The following ZCWPW2 variants were observed in gnomAD, a reference collection of about 807,000 sequenced individuals.
ZCWPW2 encodes the protein zinc finger CW-type and PWWP domain containing 2.
A neutral mutation model predicts 46.6 loss-of-function variants in ZCWPW2; 45 were observed. The observed-to-expected ratio is 0.96, with a 90% CI of 0.76 to 1.24. The LOEUF (loss-of-function observed/expected upper bound fraction) is 1.24, where lower values mean the gene tolerates loss of function less well. Among genes scored for constraint, ZCWPW2 ranks in the 50% most tolerant of loss-of-function variants. The probability of loss-of-function intolerance (pLI) is 0.00; values close to 1 mark genes in which losing one functional copy is unlikely to be tolerated. For missense variants in ZCWPW2, 429 were observed against 403.9 expected, an observed-to-expected ratio of 1.06 and a Z score of -0.53; for synonymous variants, 152 against 137.1, an observed-to-expected ratio of 1.11 and a Z score of -0.76.
At chr3:28,521,235 G>A in intron 9 of ZCWPW2, 119 bp downstream of exon 9, 1 of 1,099,056 alleles carries the variant, frequency 9.1e-7, no homozygotes, top group Non-Finnish European at 1.2e-6. Context: ...TGAAATTTGA[G>A]TCCTTGATTA....
chr3:28,424,994 C>T (rs746821906), intron 3 of ZCWPW2, among the ~76,000 whole-genome samples: 1 of 152,156 alleles, frequency 6.6e-6, no homozygotes, highest in African/African-American at 2.4e-5. Context: ...TTTGTATTCT[C>T]TAATGAAAAT....
chr3:28,402,906 T>C lies in ZCWPW2; in HGVS notation c.-13-10150T>C, dbSNP rs147921319. 2.3e-3 allele frequency among the ~76,000 whole-genome samples: 348 copies of C among 152,206 alleles called. 1 individual carries two copies. The highest frequency in any genetic ancestry group is 8.0e-3 in the African/African-American group (331 of 41,552). On this transcript the variant is annotated intron_variant, in intron 2 of 9. Coordinates refer to ENST00000383768, the MANE Select transcript of ZCWPW2 (RefSeq NM_001040432.4). ...ATACAAGGAGCAAAGTTCAGTGTAA[T>C]AAAAGCCATCTATGACAAACTCACA...
At chr3:28,474,620 T>TGTGCGC (rs777191108) in intron 4 of ZCWPW2, among the ~76,000 whole-genome samples, 54 of 121,686 alleles carry the variant, frequency 4.4e-4, no homozygotes, top group Admixed American at 1.9e-3. Flanking sequence ...TGTGTGTGTG[T>TGTGCGC]GCGCGCGCGC....
intron 6 of ZCWPW2, among the ~76,000 whole-genome samples, chr3:28,501,564 T>C (rs181966343): frequency 6.6e-6 from 1 of 152,150 alleles, no homozygotes; most frequent in African/African-American, 2.4e-5. Context: ...GAAGTAAAAT[T>C]TAAACACAGT....
intron 6 of ZCWPW2, among the ~76,000 whole-genome samples, chr3:28,495,905 A>G (rs1455619168): frequency 1.3e-5 from 2 of 152,052 alleles, no homozygotes; most frequent in Non-Finnish European, 2.9e-5. Context: ...TCTGAGATGC[A>G]TGGAACAGGG....
chr3:28,519,372 G>C (rs1229902229), intron 8 of ZCWPW2, among the ~76,000 whole-genome samples: 1 of 152,140 alleles, frequency 6.6e-6, no homozygotes, highest in Non-Finnish European at 1.5e-5. Context: ...TTTGTTGATT[G>C]AGTATGAAAG....
At chr3:28,429,740 C>A (rs954284896) in intron 3 of ZCWPW2, among the ~76,000 whole-genome samples, 1 of 152,070 alleles carries the variant, frequency 6.6e-6, no homozygotes, top group Non-Finnish European at 1.5e-5. Flanking sequence ...TTTGTGTAGT[C>A]GTGGGACTTG....
At chr3:28,470,727 T>A (rs1699011459) in intron 4 of ZCWPW2, among the ~76,000 whole-genome samples, 3 of 151,958 alleles carry the variant, frequency 2.0e-5, no homozygotes, top group Admixed American at 2.0e-4. Context: ...ACTGATTTTC[T>A]TTTACTCAAA....
chr3:28,498,959 C>T (rs1396623206), intron 6 of ZCWPW2, among the ~76,000 whole-genome samples: 1 of 152,028 alleles, frequency 6.6e-6, no homozygotes, highest in Non-Finnish European at 1.5e-5. Flanking sequence ...CATCCATGTC[C>T]CTGCAAAGGA....
intron 3 of ZCWPW2, among the ~76,000 whole-genome samples, chr3:28,430,464 G>A (rs774652598): frequency 6.6e-6 from 1 of 152,188 alleles, no homozygotes; most frequent in Non-Finnish European, 1.5e-5. Flanking sequence ...TAGACAGAAG[G>A]GACTTGCCTT....
chr3:28,405,050 T>G (rs765999263), intron 2 of ZCWPW2, among the ~76,000 whole-genome samples: 4 of 152,170 alleles, frequency 2.6e-5, no homozygotes, highest in Non-Finnish European at 5.9e-5. Context: ...TATTTTGAAC[T>G]CATTTAGACA....
chr3:28,397,630 A>C (rs1261303289), intron 2 of ZCWPW2, among the ~76,000 whole-genome samples: 2 of 152,236 alleles, frequency 1.3e-5, no homozygotes, highest in African/African-American at 4.8e-5. Context: ...AGATAGCATC[A>C]CTGCACTCCA....
chr3:28,391,185 GAACT>G (rs1695472493), intron 2 of ZCWPW2, among the ~76,000 whole-genome samples: 2 of 152,200 alleles, frequency 1.3e-5, no homozygotes, highest in Non-Finnish European at 1.5e-5. Context: ...CAAGTCTTCA[GAACT>G]AACAAGACTT....
chr3:28,417,659 T>C, intron 3 of ZCWPW2, among the ~76,000 whole-genome samples: 1 of 131,846 alleles, frequency 7.6e-6, no homozygotes, highest in Non-Finnish European at 1.6e-5. Flanking sequence ...TCAAAAAGCT[T>C]ATCCACCATG....
Position 28,348,854 on chromosome 3 carries a change from G to C in ZCWPW2, c.-483G>C, listed in dbSNP as rs1038941958. 1 of 730,190 alleles carries C rather than the reference G, an allele frequency of 1.4e-6. No homozygotes were observed. Among genetic ancestry groups the C allele is most frequent in the Non-Finnish European group, 1.7e-6 (1 of 596,678 alleles). The allele number at this position is 730,190 out of a possible 1,614,324, so 45.2% of individuals were successfully genotyped here. On this transcript the variant is annotated 5_prime_UTR_variant, in exon 1 of 10. Coordinates refer to ENST00000383768, the MANE Select transcript of ZCWPW2 (RefSeq NM_001040432.4). ...GAGCCGAGGCAGGAGGGGCCGGGCC[G>C]ACGCGAGAGAAGGCCCGTTACCCAG...
intron 3 of ZCWPW2, among the ~76,000 whole-genome samples, chr3:28,414,793 T>A (rs1406659359): frequency 4.4e-4 from 17 of 38,554 alleles, no homozygotes; most frequent in African/African-American, 1.3e-3. Context: ...GAACTCATCA[T>A]TTTTTTATGG....
intron 5 of ZCWPW2, among the ~76,000 whole-genome samples, chr3:28,489,270 T>C (rs942356996): frequency 6.6e-6 from 1 of 152,108 alleles, no homozygotes; most frequent in African/African-American, 2.4e-5. Context: ...TTTTTAATGA[T>C]TGATATTTCA....
chr3:28,480,386 T>A (rs1699386125), intron 5 of ZCWPW2, among the ~76,000 whole-genome samples: 1 of 152,208 alleles, frequency 6.6e-6, no homozygotes, highest in Admixed American at 6.5e-5. Context: ...TGTCTGTTTG[T>A]GTCCTTTGCC....
intron 4 of ZCWPW2, among the ~76,000 whole-genome samples, chr3:28,437,159 A>G (rs1186449276): frequency 6.6e-6 from 1 of 152,220 alleles, no homozygotes; most frequent in African/African-American, 2.4e-5. Context: ...GTAGAGTTTT[A>G]AAAATTTTTT....
Sources: allele counts gnomAD v4.1 joint callset (sites outside exome capture counted in the v4.1 genomes callset), GRCh38; gene constraint gnomAD v4.1.1; transcripts MANE v1.5; gene names NCBI Gene and HGNC (gene_info 2026-07-23, HGNC 2026-07-21).